ILDR1: variants seen among roughly 807,000 people sequenced by gnomAD.
The protein encoded by ILDR1 is immunoglobulin like domain containing receptor 1, also known as immunoglobulin-like domain-containing receptor 1.
In ILDR1, 56 loss-of-function variants were observed where a neutral mutation model predicts 62.4. The observed-to-expected ratio is 0.90, with a 90% CI of 0.72 to 1.12. The LOEUF is 1.12. ILDR1 is among the 50% of genes most tolerant of loss of function. The probability of loss-of-function intolerance (pLI) is 0.00; values close to 1 mark genes in which losing one functional copy is unlikely to be tolerated. For missense variants in ILDR1, 736 were observed against 710.6 expected, an observed-to-expected ratio of 1.04 and a Z score of -0.41; for synonymous variants, 284 against 277.8, an observed-to-expected ratio of 1.02 and a Z score of -0.22.
chr3:122,036,007 G>T, the ILDR1 span, among the ~76,000 whole-genome samples: 1 of 152,206 alleles, frequency 6.6e-6, no homozygotes, highest in South Asian at 2.1e-4. Context: ...AATGCTGATA[G>T]TGACATGAAC....
chr3:122,004,782 T>C (rs1316027124), intron 3 of ILDR1, among the ~76,000 whole-genome samples: 2 of 152,176 alleles, frequency 1.3e-5, no homozygotes, highest in Non-Finnish European at 2.9e-5. Flanking sequence ...AGCCCAGTGT[T>C]CTTTCTTCTA....
upstream of ILDR1, among the ~76,000 whole-genome samples, chr3:122,025,878 CA>C (rs1472861088): frequency 6.6e-6 from 1 of 152,160 alleles, no homozygotes; most frequent in Non-Finnish European, 1.5e-5. Flanking sequence ...GTATTCCCAG[CA>C]TCTAGCATAG....
At chr3:122,040,195 G>T in the ILDR1 span, among the ~76,000 whole-genome samples, 1 of 151,836 alleles carries the variant, frequency 6.6e-6, no homozygotes, top group Non-Finnish European at 1.5e-5. Flanking sequence ...GGAACAACTG[G>T]TTTAAAATGA....
chr3:122,019,306 T>C (rs1456001887), intron 1 of ILDR1, among the ~76,000 whole-genome samples: 2 of 152,226 alleles, frequency 1.3e-5, no homozygotes, highest in Admixed American at 6.5e-5. Flanking sequence ...AGTAAGATAA[T>C]ATGTAATATC....
chr3:122,024,260 T>G (rs1246684509), upstream of ILDR1, among the ~76,000 whole-genome samples: 2 of 152,190 alleles, frequency 1.3e-5, no homozygotes, highest in Admixed American at 1.3e-4. Context: ...GAAAGAAATA[T>G]GGCACTCAGC....
the ILDR1 span, among the ~76,000 whole-genome samples, chr3:122,028,335 CAAAAAAA>C: frequency 1.0e-5 from 1 of 95,510 alleles, no homozygotes. Context: ...GACTCCATCT[CAAAAAAA>C]AAAAAAAAAA....
Position 121,987,865 on chromosome 3 carries a change from A to G in ILDR1, c.*502T>C, listed in dbSNP as rs2107633439. The G allele has an allele frequency of 3.8e-6, 1 of 265,354 alleles. No homozygotes were observed. The highest frequency in any genetic ancestry group is 7.3e-6 in the Non-Finnish European group (1 of 136,240). The allele number at this position is 265,354 out of a possible 1,614,324, so 16.4% of individuals were successfully genotyped here. ...GAGAGCATGAACCAAGGCTAAAACT[A>G]CAGTTGGTAATTCCTCGAACTCTAA... On this transcript the variant is annotated 3_prime_UTR_variant, in exon 8 of 8. Transcript: ENST00000344209.
chr3:122,034,720 G>A, the ILDR1 span, among the ~76,000 whole-genome samples: 1 of 152,184 alleles, frequency 6.6e-6, no homozygotes, highest in East Asian at 1.9e-4. Flanking sequence ...CGAGACTGGG[G>A]AATTTACAAA....
the ILDR1 span, among the ~76,000 whole-genome samples, chr3:122,028,662 A>G: frequency 5.3e-5 from 8 of 152,372 alleles, no homozygotes; most frequent in Admixed American, 4.6e-4. Context: ...CTGATTCACT[A>G]TTAAACATTA....
the ILDR1 span, among the ~76,000 whole-genome samples, chr3:122,028,965 G>C: frequency 6.6e-6 from 1 of 152,202 alleles, no homozygotes; most frequent in African/African-American, 2.4e-5. Flanking sequence ...AAAGCGATTT[G>C]TGCAAAACTT....
chr3:122,010,102 G>A (rs2071681830), intron 1 of ILDR1, among the ~76,000 whole-genome samples: 1 of 144,546 alleles, frequency 6.9e-6, no homozygotes, highest in Non-Finnish European at 1.5e-5. Flanking sequence ...AGAAGGCAGA[G>A]AAACTCATTG....
intron 7 of ILDR1, among the ~76,000 whole-genome samples, chr3:121,990,620 G>A (rs2071328796): frequency 1.3e-5 from 2 of 152,194 alleles, no homozygotes; most frequent in Non-Finnish European, 1.5e-5. Flanking sequence ...CTGAGTCAAG[G>A]TCGCATTCTG....
At chr3:122,041,542 A>G in the ILDR1 span, among the ~76,000 whole-genome samples, 16 of 152,334 alleles carry the variant, frequency 1.1e-4, no homozygotes, top group African/African-American at 3.8e-4. Context: ...ACAGACTAAG[A>G]TGGCTATCTT....
chr3:122,002,590 G>C (rs1221398342), intron 3 of ILDR1, among the ~76,000 whole-genome samples: 1 of 152,002 alleles, frequency 6.6e-6, no homozygotes, highest in Non-Finnish European at 1.5e-5. Flanking sequence ...ATAGATGAAT[G>C]GTTTATATAT....
chr3:122,022,277 G>C (rs892494983), upstream of ILDR1: 6 of 467,658 alleles, frequency 1.3e-5, no homozygotes, highest in Non-Finnish European at 1.9e-5. Flanking sequence ...CGCTCCCCAC[G>C]GCTCCGCCTC....
chr3:122,005,839 C>A (rs542904061), intron 2 of ILDR1, among the ~76,000 whole-genome samples: 89 of 152,012 alleles, frequency 5.9e-4, no homozygotes, highest in Non-Finnish European at 1.1e-3. Flanking sequence ...GCAGAGGTTG[C>A]GATGAGTTGA....
intron 3 of ILDR1, among the ~76,000 whole-genome samples, chr3:122,004,174 G>A (rs2071569753): frequency 6.6e-6 from 1 of 152,152 alleles, no homozygotes; most frequent in Admixed American, 6.5e-5. Context: ...GTGGCCCACT[G>A]GGTGTATTCT....
chr3:122,031,097 T>C, the ILDR1 span, among the ~76,000 whole-genome samples: 1 of 152,222 alleles, frequency 6.6e-6, no homozygotes, highest in African/African-American at 2.4e-5. Context: ...CATTTCCCCT[T>C]TCTTCCTTCT....
At chr3:121,995,219 CT>C (rs935085211) in intron 5 of ILDR1, among the ~76,000 whole-genome samples, 1 of 152,184 alleles carries the variant, frequency 6.6e-6, no homozygotes, top group African/African-American at 2.4e-5. Context: ...CTCATGTTTC[CT>C]AAGGGCTCTG....
Sources: gnomAD v4.1 joint callset for allele counts (sites outside exome capture counted in the v4.1 genomes callset) on GRCh38, gnomAD v4.1.1 for gene constraint, MANE v1.5 for transcripts, NCBI Gene and HGNC (gene_info 2026-07-23, HGNC 2026-07-21) for gene names.